The following ATP2A2 variants were observed in gnomAD, a reference collection of about 807,000 sequenced individuals.
ATP2A2 encodes the protein sarcoplasmic/endoplasmic reticulum calcium ATPase 2.
In ATP2A2, 14 loss-of-function variants were observed where a neutral mutation model predicts 109.3. That is an observed-to-expected ratio of 0.13 (90% confidence interval 0.08 to 0.20). The LOEUF (loss-of-function observed/expected upper bound fraction) is 0.20. Ranked by LOEUF, ATP2A2 falls within the 10% of genes least tolerant of loss-of-function variation. The pLI is 1.00. For synonymous variants in ATP2A2, 506 were observed against 490.9 expected (o/e 1.03, Z -0.41); for missense variants, 657 against 1,321.6 (o/e 0.50, Z 7.80).
Position 110,333,289 on chromosome 12 carries a change from T to C in ATP2A2, c.1287+6T>C, listed in dbSNP as rs1878523116. Reference sequence around the variant, plus strand: ...CTGCTTTGGATTACAATGAGGTAAGTCTCTTCATAAATTAGAAGGAATGGC... The same window carrying C: ...CTGCTTTGGATTACAATGAGGTAAGCCTCTTCATAAATTAGAAGGAATGGC... On this transcript the variant is annotated splice_donor_region_variant and intron_variant, in intron 10 of 19. Transcript: ENST00000539276. 1 of 1,602,984 alleles carries C rather than the reference T, an allele frequency of 6.2e-7. No individual in the cohort carries two copies. The highest frequency in any genetic ancestry group is 8.5e-7 in the Non-Finnish European group (1 of 1,169,974).
chr12:110,340,581 T>G lies in ATP2A2; in HGVS notation c.1762-78T>G. ...AAAAATGCAGAAACCTGTCTCAATG[T>G]TTAACTGGGCATTTTTCAAACTAGG... On this transcript the variant is annotated intron_variant, in intron 13 of 19. Coordinates refer to ENST00000539276, the MANE Select transcript of ATP2A2 (RefSeq NM_170665.4). This position sits in a 1 kb window ranked among gnomAD's most constrained non-coding sequence, Gnocchi z 6.0. 2.8e-6 allele frequency: 4 copies of G among 1,451,234 alleles called. No homozygotes were observed. Among genetic ancestry groups the G allele is most frequent in the Non-Finnish European group, 3.8e-6 (4 of 1,045,006 alleles). The allele number at this position is 1,451,234 out of a possible 1,614,324, so 89.9% of individuals were successfully genotyped here.
At position 110,281,458 on chromosome 12, in the gene ATP2A2, G is replaced by C. The variant is rs1243690757; in HGVS notation, c.-332G>C. The stretch of plus-strand genomic sequence containing the variant: ...CGGGCGGGGCCTCTGATCGCCTCAA[G>C]AGAGCGGGGAGGGGGCTCGGGGGCC... On this transcript the variant is annotated 5_prime_UTR_variant, in exon 1 of 20. Coordinates refer to ENST00000539276, the MANE Select transcript of ATP2A2 (RefSeq NM_170665.4). 2 of 162,602 alleles carry C rather than the reference G, an allele frequency of 1.2e-5. No homozygotes were observed. Among genetic ancestry groups the C allele is most frequent in the African/African-American group, 2.4e-5 (1 of 41,574 alleles). The allele number at this position is 162,602 out of a possible 1,614,324, so 10.1% of individuals were successfully genotyped here. A position where few individuals can be genotyped will look rare whatever the true frequency, so the allele number is the denominator to read the frequency against.
chr12:110,281,681 C>T lies in ATP2A2; in HGVS notation c.-109C>T, dbSNP rs1036502787. 7.6e-6 allele frequency: 5 copies of T among 659,220 alleles called. No individual in the cohort carries two copies. Among genetic ancestry groups the T allele is most frequent in the Non-Finnish European group, 1.1e-5 (5 of 439,302 alleles). 40.8% of individuals were successfully genotyped at this position (659,220 alleles called of 1,614,324 possible). A position where few individuals can be genotyped will look rare whatever the true frequency, so the allele number is the denominator to read the frequency against. ...CGGCCGCAAGAGGAGGAGGGGAGAG[C>T]CCGTCCGCGCCTGGGCTCCCGGGGT... On this transcript the variant is annotated 5_prime_UTR_variant, in exon 1 of 20. Transcript: ENST00000539276.
chr12:110,338,172 A>G (rs891146984), intron 11 of ATP2A2, among the ~76,000 whole-genome samples: 19 of 152,174 alleles, frequency 1.2e-4, no homozygotes, highest in African/African-American at 4.6e-4. Context: ...ATTTCTGTCT[A>G]TAGTTACTCC....
chr12:110,326,991 T>C (rs757920428), intron 7 of ATP2A2, among the ~76,000 whole-genome samples: 1 of 152,208 alleles, frequency 6.6e-6, no homozygotes, highest in African/African-American at 2.4e-5. Flanking sequence ...CATTTGTGGG[T>C]TTGTATGAGA....
intron 5 of ATP2A2, among the ~76,000 whole-genome samples, chr12:110,321,726 A>G (rs908441918): frequency 5.9e-5 from 9 of 152,058 alleles, no homozygotes; most frequent in African/African-American, 2.4e-5. Flanking sequence ...AGCTGTTTTA[A>G]TGTCCAGCTG....
chr12:110,323,214 TCGCTC>T (rs1176815068), intron 6 of ATP2A2, 142 bp downstream of exon 6: 1 of 741,260 alleles, frequency 1.3e-6, no homozygotes, highest in Non-Finnish European at 2.4e-6. Context: ...TGCTTTAGTC[TCGCTC>T]CATTGCCCAG....
In ATP2A2 at chr12:110,334,033, G is replaced by A; in HGVS notation, c.1309G>A (p.Val437Ile). Reference protein sequence around the residue: ...YNEAKGVYEKVGEATETALTC... With the variant: ...YNEAKGVYEKIGEATETALTC... ...ACAGGCAAAGGGTGTGTATGAAAAA[G>A]TTGGAGAAGCTACAGAGACTGCTCT... is the stretch of plus-strand genomic sequence containing the variant. The change falls in exon 11 of 20, where the codon GTT (valine) becomes ATT (isoleucine). Residue 437 changes from valine (V) to isoleucine (I), a missense_variant. Transcript: ENST00000539276. 4 of 1,614,122 alleles carry A rather than the reference G, an allele frequency of 2.5e-6. No individual in the cohort carries two copies. Among genetic ancestry groups the A allele is most frequent in the Non-Finnish European group, 3.4e-6 (4 of 1,180,022 alleles).
intron 3 of ATP2A2, among the ~76,000 whole-genome samples, chr12:110,287,879 G>A (rs1872827062): frequency 6.6e-6 from 1 of 152,052 alleles, no homozygotes; most frequent in Non-Finnish European, 1.5e-5. Flanking sequence ...GCTTCCCAAA[G>A]TGCTGGGATT....
At chr12:110,284,543 T>C (rs1036198484) in intron 3 of ATP2A2, among the ~76,000 whole-genome samples, 2 of 152,224 alleles carry the variant, frequency 1.3e-5, no homozygotes, top group Admixed American at 1.3e-4. Context: ...ATTAGCATTT[T>C]AAATTAATGA....
In ATP2A2 at chr12:110,345,965, TG is replaced by T. The variant is rs769355759; in HGVS notation, c.2742-31del. The T allele has an allele frequency of 1.5e-5, 24 of 1,601,772 alleles. No homozygotes were observed. The South Asian group carries it at 2.1e-4, about 14-fold the overall frequency. On this transcript the variant is annotated intron_variant, in intron 18 of 19. Transcript: ENST00000539276. The stretch of plus-strand genomic sequence containing the variant: ...TGCCACTGTGACACGTGCCTTGCCT[TG>T]GGGGTGCGTTTCCCCACCTCTCCTT...
At chr12:110,304,956 G>A (rs980843693) in intron 5 of ATP2A2, among the ~76,000 whole-genome samples, 8 of 151,922 alleles carry the variant, frequency 5.3e-5, no homozygotes, top group Admixed American at 3.9e-4. Flanking sequence ...TTGAGACGGA[G>A]TCTTGCTCTG....
Position 110,346,995 on chromosome 12 carries a change from C to T in ATP2A2, c.*525C>T, listed in dbSNP as rs546198217. The T allele has an allele frequency of 6.3e-6, 7 of 1,103,728 alleles. No individual in the cohort carries two copies. The Admixed American group carries it at 2.9e-4, about 46-fold the overall frequency. The allele number at this position is 1,103,728 out of a possible 1,614,324, so 68.4% of individuals were successfully genotyped here. On this transcript the variant is annotated 3_prime_UTR_variant, in exon 20 of 20. Coordinates refer to ENST00000539276, the MANE Select transcript of ATP2A2 (RefSeq NM_170665.4). The stretch of plus-strand genomic sequence containing the variant: ...CAGTATTGTTTTGGTTTGCTACTTC[C>T]CTCACCCACTTTGGCCTCCGTTCAC...
chr12:110,344,975 C>T lies in ATP2A2; in HGVS notation c.2607+4C>T. On this transcript the variant is annotated splice_donor_region_variant and intron_variant, in intron 17 of 19. Coordinates refer to ENST00000539276, the MANE Select transcript of ATP2A2 (RefSeq NM_170665.4). ...AAGAGTGTCCTTCTACCAGCTGGTACTCAGTCACCTTTCTTTCTGTACCTT... is the reference window on the plus strand; with the variant it reads ...AAGAGTGTCCTTCTACCAGCTGGTATTCAGTCACCTTTCTTTCTGTACCTT... 1 of 1,613,834 alleles carries T rather than the reference C, an allele frequency of 6.2e-7. No homozygotes were observed. The highest frequency in any genetic ancestry group is 8.5e-7 in the Non-Finnish European group (1 of 1,179,708).
chr12:110,341,832 C>T (rs1468033458), intron 14 of ATP2A2, among the ~76,000 whole-genome samples: 1 of 152,200 alleles, frequency 6.6e-6, no homozygotes, highest in Admixed American at 6.5e-5. Flanking sequence ...TGCGCCACTG[C>T]ACTACAGCCT....
At chr12:110,341,737 G>A (rs1879375247) in intron 14 of ATP2A2, among the ~76,000 whole-genome samples, 1 of 152,160 alleles carries the variant, frequency 6.6e-6, no homozygotes, top group African/African-American at 2.4e-5. Context: ...GCTGGGTGTG[G>A]TGGTGGGCGC....
In ATP2A2 at chr12:110,326,372, G is replaced by A. The variant is rs1437367559; in HGVS notation, c.545-18G>A. On this transcript the variant is annotated intron_variant, in intron 6 of 19. Coordinates refer to ENST00000539276, the MANE Select transcript of ATP2A2 (RefSeq NM_170665.4). Reference sequence around the variant, plus strand: ...TGGGTCGCAGAGATCTGTTTTTTCTGTCTCACAACCCGCTTAGGTGAATCT... The same window carrying A: ...TGGGTCGCAGAGATCTGTTTTTTCTATCTCACAACCCGCTTAGGTGAATCT... 3 of 1,610,438 alleles carry A rather than the reference G, an allele frequency of 1.9e-6. No individual in the cohort carries two copies. The highest frequency in any genetic ancestry group is 2.5e-6 in the Non-Finnish European group (3 of 1,177,454).
rs78430188 is a variant in ATP2A2 at position 110,342,649 on chromosome 12, T to C, written c.2318+201T>C. Among the ~76,000 whole-genome samples, 1,047 of 152,302 alleles carry C rather than the reference T, an allele frequency of 6.9e-3. 1 individual carries two copies. Among genetic ancestry groups the C allele is most frequent in the Non-Finnish European group, 9.5e-3 (643 of 68,010 alleles). On this transcript the variant is annotated intron_variant, in intron 15 of 19. Transcript: ENST00000539276. This position sits in a 1 kb window ranked among gnomAD's most constrained non-coding sequence, Gnocchi z 4.6. ...GGAGGGTTGTCTGCAGCTGCCCCAA[T>C]GTGCAAAGAATCCTCTTTAACGTGA... is the stretch of plus-strand genomic sequence containing the variant.
intron 5 of ATP2A2, among the ~76,000 whole-genome samples, chr12:110,312,840 ACT>A (rs1220587476): frequency 2.1e-5 from 3 of 146,166 alleles, no homozygotes; most frequent in East Asian, 2.0e-4. Context: ...ACAGAGCGAG[ACT>A]CTGTTGCAAA....
Sources: allele counts gnomAD v4.1 joint callset (sites outside exome capture counted in the v4.1 genomes callset), GRCh38; gene constraint gnomAD v4.1.1; non-coding constraint Gnocchi (gnomAD v3.1); transcripts MANE v1.5; gene names NCBI Gene and HGNC (gene_info 2026-07-23, HGNC 2026-07-21).